Variants in PCSK2 observed in about 807,000 individuals in gnomAD.
PCSK2 encodes the protein neuroendocrine convertase 2.
A neutral mutation model predicts 69.7 loss-of-function variants in PCSK2; 14 were observed. That is an observed-to-expected ratio of 0.20 (90% confidence interval 0.13 to 0.31). The LOEUF is 0.31. Among genes scored for constraint, PCSK2 ranks in the 10% least tolerant of loss-of-function variants. The pLI is 1.00. For synonymous variants in PCSK2, 307 were observed against 320.7 expected (o/e 0.96, Z 0.46); for missense variants, 544 against 842.5 (o/e 0.65, Z 4.39).
At chr20:17,415,880 A>G (rs916940275) in intron 6 of PCSK2, among the ~76,000 whole-genome samples, 4 of 152,166 alleles carry the variant, frequency 2.6e-5, no homozygotes, top group African/African-American at 9.7e-5. Flanking sequence ...ACACATCTAC[A>G]ACTGCCTGAT....
At chr20:17,242,489 T>C (rs549069400) in intron 1 of PCSK2, among the ~76,000 whole-genome samples, 1 of 152,358 alleles carries the variant, frequency 6.6e-6, no homozygotes, top group East Asian at 1.9e-4. Flanking sequence ...ACACTTATAG[T>C]TCTATAGTTC....
At chr20:17,352,623 T>A (rs1222102963) in intron 2 of PCSK2, among the ~76,000 whole-genome samples, 1 of 152,244 alleles carries the variant, frequency 6.6e-6, no homozygotes, top group Non-Finnish European at 1.5e-5. Flanking sequence ...CAATAAATGA[T>A]GCTAGGATAA....
chr20:17,430,446 T>A (rs1403226458), intron 7 of PCSK2, among the ~76,000 whole-genome samples: 1 of 152,230 alleles, frequency 6.6e-6, no homozygotes, highest in African/African-American at 2.4e-5. Flanking sequence ...ACCATAAACC[T>A]ACTTTCTGCT....
At chr20:17,248,835 A>G (rs191722190) in intron 1 of PCSK2, among the ~76,000 whole-genome samples, 42 of 151,836 alleles carry the variant, frequency 2.8e-4, no homozygotes, top group Middle Eastern at 3.4e-3. Flanking sequence ...CCAAAATCTC[A>G]TGGATTCCTA....
intron 8 of PCSK2, among the ~76,000 whole-genome samples, chr20:17,441,957 T>C (rs1199592743): frequency 1.3e-5 from 2 of 150,404 alleles, no homozygotes; most frequent in African/African-American, 4.9e-5. Context: ...ATTAAGATGA[T>C]GTCATATTGG....
chr20:17,453,492 A>G lies in PCSK2; in HGVS notation c.886-250A>G, dbSNP rs2032863400. 6.6e-6 allele frequency among the ~76,000 whole-genome samples: 1 copy of G among 152,074 alleles called. No homozygotes were observed. Among genetic ancestry groups the G allele is most frequent in the Non-Finnish European group, 1.5e-5 (1 of 68,010 alleles). On this transcript the variant is annotated intron_variant, in intron 8 of 11. Coordinates refer to ENST00000262545, the MANE Select transcript of PCSK2 (RefSeq NM_002594.5). This position sits in a 1 kb window ranked among gnomAD's most constrained non-coding sequence, Gnocchi z 4.0. Reference sequence around the variant, plus strand: ...TGTAAATTTTAAGACAGTTCTTCCAATTTTCTTACCTCATTATCCCCAGCT... The same window carrying G: ...TGTAAATTTTAAGACAGTTCTTCCAGTTTTCTTACCTCATTATCCCCAGCT...
At chr20:17,315,417 C>T (rs902854348) in intron 2 of PCSK2, among the ~76,000 whole-genome samples, 2 of 152,200 alleles carry the variant, frequency 1.3e-5, no homozygotes, top group East Asian at 1.9e-4. Context: ...TGCTTTTCTG[C>T]GCTATAAGGG....
intron 2 of PCSK2, among the ~76,000 whole-genome samples, chr20:17,320,736 C>A (rs1989839555): frequency 6.6e-6 from 1 of 152,150 alleles, no homozygotes; most frequent in African/African-American, 2.4e-5. Flanking sequence ...CATCACTCTT[C>A]CTTAGGCACA....
intron 2 of PCSK2, among the ~76,000 whole-genome samples, chr20:17,346,099 C>T (rs934959317): frequency 2.6e-5 from 4 of 152,236 alleles, no homozygotes; most frequent in Non-Finnish European, 5.9e-5. Context: ...CTAGGCAATC[C>T]AGACACATCC....
intron 2 of PCSK2, among the ~76,000 whole-genome samples, chr20:17,339,246 A>G (rs1990440939): frequency 6.6e-6 from 1 of 152,200 alleles, no homozygotes; most frequent in African/African-American, 2.4e-5. Flanking sequence ...TGACCTGAGC[A>G]TGTTTTGAAG....
chr20:17,285,063 GT>G (rs1420494630), intron 2 of PCSK2, among the ~76,000 whole-genome samples: 2 of 152,182 alleles, frequency 1.3e-5, no homozygotes, highest in Admixed American at 6.5e-5. Flanking sequence ...GTCAGGATCA[GT>G]GCTCTGTGAC....
chr20:17,305,733 T>C (rs1227003004), intron 2 of PCSK2, among the ~76,000 whole-genome samples: 1 of 152,248 alleles, frequency 6.6e-6, no homozygotes, highest in South Asian at 2.1e-4. Flanking sequence ...ATGTATTTTT[T>C]GCATTCCTAG....
intron 2 of PCSK2, among the ~76,000 whole-genome samples, chr20:17,290,583 T>C (rs920994227): frequency 2.0e-5 from 3 of 152,146 alleles, no homozygotes; most frequent in Non-Finnish European, 2.9e-5. Flanking sequence ...CTGGCCCTGG[T>C]CATACTCTCA....
intron 11 of PCSK2, among the ~76,000 whole-genome samples, chr20:17,471,210 T>A (rs375920769): frequency 3.6e-4 from 55 of 152,312 alleles, no homozygotes; most frequent in African/African-American, 1.3e-3. Flanking sequence ...TAGCATTCCA[T>A]CATAATCTGC....
chr20:17,456,307 G>T (rs1218808056), intron 9 of PCSK2, 41 bp from the exon 10 acceptor site: 1 of 1,077,984 alleles, frequency 9.3e-7, no homozygotes, highest in Non-Finnish European at 1.4e-6. Context: ...GTTCAAAATA[G>T]CGTGATTTAT....
chr20:17,355,208 G>A (rs528348245), intron 2 of PCSK2, among the ~76,000 whole-genome samples: 1 of 152,314 alleles, frequency 6.6e-6, no homozygotes, highest in East Asian at 1.9e-4. Context: ...TGGAGTGGTT[G>A]TAATAGCCAT....
At chr20:17,308,779 G>A (rs1989409334) in intron 2 of PCSK2, among the ~76,000 whole-genome samples, 1 of 152,092 alleles carries the variant, frequency 6.6e-6, no homozygotes, top group Admixed American at 6.5e-5. Flanking sequence ...GGGTTTTCGT[G>A]GGAGCATTTG....
intron 2 of PCSK2, among the ~76,000 whole-genome samples, chr20:17,348,174 A>C (rs951740967): frequency 6.6e-5 from 10 of 152,242 alleles, no homozygotes; most frequent in African/African-American, 2.2e-4. Context: ...CATGCCCCTC[A>C]TGCAGATGGG....
intron 5 of PCSK2, among the ~76,000 whole-genome samples, chr20:17,393,958 TG>T (rs1187305812): frequency 6.6e-6 from 1 of 152,224 alleles, no homozygotes; most frequent in Non-Finnish European, 1.5e-5. Context: ...CTTGGAAGCA[TG>T]CTTGTGTTGC....
Sources: gnomAD v4.1 joint callset for allele counts (sites outside exome capture counted in the v4.1 genomes callset) on GRCh38, gnomAD v4.1.1 for gene constraint, Gnocchi (gnomAD v3.1) non-coding constraint, MANE v1.5 for transcripts, NCBI Gene and HGNC (gene_info 2026-07-23, HGNC 2026-07-21) for gene names.